PARP4: variants seen among roughly 807,000 people sequenced by gnomAD.
PARP4 encodes the protein protein mono-ADP-ribosyltransferase PARP4.
PARP4 carries 120 observed loss-of-function variants against 187.7 expected under a neutral mutation model. The observed-to-expected ratio is 0.64, with a 90% CI of 0.55 to 0.74. PARP4 has a LOEUF of 0.74. PARP4 is among the 30% of genes least tolerant of loss of function. The pLI is 0.00. For synonymous variants in PARP4, 654 were observed against 740.9 expected (o/e 0.88, Z 1.90); for missense variants, 1,836 against 2,070.5 (o/e 0.89, Z 2.20).
intron 12 of PARP4, among the ~76,000 whole-genome samples, chr13:24,483,418 G>A (rs1873383173): frequency 7.9e-6 from 1 of 127,296 alleles, no homozygotes; most frequent in Non-Finnish European, 1.7e-5. Flanking sequence ...CCCGGGAAGC[G>A]GAGCTTGCAG....
At position 24,454,938 on chromosome 13, in the gene PARP4, A is replaced by G. The variant is rs535797348; in HGVS notation, c.2758+79T>C. 2.1e-5 allele frequency: 25 copies of G among 1,189,494 alleles called. 1 individual carries two copies. In the South Asian group the frequency reaches 4.0e-4, roughly 19 times the overall value. 73.7% of individuals were successfully genotyped at this position (1,189,494 alleles called of 1,614,324 possible). On this transcript the variant is annotated intron_variant, in intron 22 of 33. Coordinates refer to ENST00000381989, the MANE Select transcript of PARP4 (RefSeq NM_006437.4). ...CCTCACCACACAGGCAGGGTCGGGT[A>G]CCCACAGTTGTCAGCTCTACAGAAT...
intron 27 of PARP4, 117 bp downstream of exon 27, chr13:24,446,564 G>T: frequency 2.9e-6 from 2 of 686,254 alleles, no homozygotes; most frequent in Admixed American, 2.9e-5. Context: ...GTATTGGGCT[G>T]CATTCAAAGC....
chr13:24,503,196 T>C (rs1869405491), intron 2 of PARP4, among the ~76,000 whole-genome samples: 1 of 152,218 alleles, frequency 6.6e-6, no homozygotes, highest in Non-Finnish European at 1.5e-5. Context: ...CAGCACAAGC[T>C]ACACTGCGAA....
chr13:24,434,921 C>A lies in PARP4; in HGVS notation c.4220G>T (p.Ser1407Ile). 6.2e-7 allele frequency: 1 copy of A among 1,614,090 alleles called. No homozygotes were observed. Among genetic ancestry groups the A allele is most frequent in the Admixed American group, 1.7e-5 (1 of 60,008 alleles). The change falls in exon 31 of 34, where the codon AGC becomes ATC. Residue 1407 changes from serine (S) to isoleucine (I), a missense_variant. Ser to Ile is a moderately radical substitution (Grantham distance 142, BLOSUM62 -2). Transcript: ENST00000381989. ...TTGCAGTGGAGCAGACTGTGCAGAG[C>A]TTAATGAGCTCCCTGAAAAAACAAT... ...CGIVFSGSSL[S>I]SAQSAPLQHP...
chr13:24,480,375 C>T (rs12864450), intron 12 of PARP4, among the ~76,000 whole-genome samples: 45,269 of 152,068 alleles, frequency 0.3, 7,357 homozygotes, highest in South Asian at 0.46. Context: ...AACCCTACAG[C>T]GGCCTCTAAG....
intron 17 of PARP4, among the ~76,000 whole-genome samples, chr13:24,468,480 C>G (rs1872587365): frequency 6.7e-6 from 1 of 149,750 alleles, no homozygotes; most frequent in Non-Finnish European, 1.5e-5. Context: ...TTTTGGCTCA[C>G]TGCAACCTCT....
In PARP4 at chr13:24,494,408, G is replaced by A. The variant is rs149030327; in HGVS notation, c.741+165C>T. Among the ~76,000 whole-genome samples, 745 of 152,274 alleles carry A rather than the reference G, an allele frequency of 4.9e-3. 8 individuals carry two copies. The highest frequency in any genetic ancestry group is 0.017 in the African/African-American group (716 of 41,554). On this transcript the variant is annotated intron_variant, in intron 7 of 33. Transcript: ENST00000381989. ...TGGGTCTCTCTATGTTGCCAAGGCT[G>A]GTCTTGAACTCCTGGCCTCAAGTGA...
intron 33 of PARP4, among the ~76,000 whole-genome samples, chr13:24,424,789 A>G (rs1327982071): frequency 6.7e-6 from 1 of 149,114 alleles, no homozygotes; most frequent in African/African-American, 2.5e-5. Context: ...CTCCTGCCTC[A>G]GCCTCCCCAG....
intron 18 of PARP4, 188 bp from the exon 19 acceptor site, chr13:24,459,498 CAG>C (rs371672338): frequency 4.8e-4 from 243 of 506,694 alleles, no homozygotes; most frequent in African/African-American, 4.3e-3. Flanking sequence ...ACCATTTTGA[CAG>C]AGATTTTAAA....
chr13:24,423,563 A>C (rs1193248771), intron 33 of PARP4, among the ~76,000 whole-genome samples: 1 of 149,054 alleles, frequency 6.7e-6, no homozygotes, highest in Admixed American at 6.7e-5. Context: ...AACAAAACAA[A>C]AAAAAAGAAA....
At chr13:24,488,692 A>G (rs963947802) in intron 10 of PARP4, among the ~76,000 whole-genome samples, 2 of 152,174 alleles carry the variant, frequency 1.3e-5, no homozygotes, top group African/African-American at 4.8e-5. Flanking sequence ...CCAAAAAGAT[A>G]AAATTAACCA....
chr13:24,468,404 T>C (rs1872581168), intron 17 of PARP4, among the ~76,000 whole-genome samples: 1 of 39,772 alleles, frequency 2.5e-5, no homozygotes, highest in East Asian at 1.1e-3. Context: ...ACACTCCTTT[T>C]TTTTTTTTTT....
chr13:24,447,003 T>C lies in PARP4; in HGVS notation c.3285+13A>G. ...GGTCTTCCCATAGAATAACAAACTC[T>C]GCGTCTTCTTACCTGTGTGCAGTGA... On this transcript the variant is annotated intron_variant, in intron 26 of 33. Coordinates refer to ENST00000381989, the MANE Select transcript of PARP4 (RefSeq NM_006437.4). The C allele has an allele frequency of 1.4e-6, 2 of 1,451,920 alleles. No individual in the cohort carries two copies. Among genetic ancestry groups the C allele is most frequent in the South Asian group, 1.3e-5 (1 of 79,042 alleles). 89.9% of individuals were successfully genotyped at this position (1,451,920 alleles called of 1,614,324 possible).
intron 17 of PARP4, among the ~76,000 whole-genome samples, chr13:24,468,445 C>G (rs540182258): frequency 7.0e-6 from 1 of 143,732 alleles, no homozygotes; most frequent in South Asian, 2.2e-4. Context: ...GCTCTTGTTG[C>G]CCAGGCTGGA....
rs778340774 is a variant in PARP4, at chr13:24,500,395, G to T, written c.335-13C>A. On this transcript the variant is annotated splice_polypyrimidine_tract_variant and intron_variant, in intron 3 of 33. Coordinates refer to ENST00000381989, the MANE Select transcript of PARP4 (RefSeq NM_006437.4). ...TCTGTTTTCACTTCTAGAATTAAAA[G>T]CAAACAGCACACTTGTTTACTGCCC... The T allele has an allele frequency of 3.8e-6, 6 of 1,577,024 alleles. No individual in the cohort carries two copies. The highest frequency in any genetic ancestry group is 5.2e-6 in the Non-Finnish European group (6 of 1,152,598).
intron 31 of PARP4, among the ~76,000 whole-genome samples, chr13:24,432,879 C>T (rs1414678033): frequency 6.6e-6 from 1 of 152,128 alleles, no homozygotes; most frequent in African/African-American, 2.4e-5. Flanking sequence ...CCTAGGGAAA[C>T]CAACACAGGG....
intron 17 of PARP4, among the ~76,000 whole-genome samples, chr13:24,461,305 A>C (rs1872204902): frequency 6.6e-6 from 1 of 152,230 alleles, no homozygotes; most frequent in Admixed American, 6.5e-5. Flanking sequence ...CCCTTAAAAG[A>C]AATGTATGTA....
intron 1 of PARP4, among the ~76,000 whole-genome samples, chr13:24,508,153 G>C (rs1249040686): frequency 6.6e-6 from 1 of 151,840 alleles, no homozygotes; most frequent in Admixed American, 6.6e-5. Context: ...ATCTATGCTA[G>C]TCGTAATCTC....
intron 1 of PARP4, among the ~76,000 whole-genome samples, chr13:24,506,542 G>A (rs1437947718): frequency 6.6e-6 from 1 of 152,142 alleles, no homozygotes; most frequent in Admixed American, 6.5e-5. Context: ...TACAATCCCT[G>A]AGCTAGACAC....
Sources: gnomAD v4.1 joint callset for allele counts (sites outside exome capture counted in the v4.1 genomes callset) on GRCh38, gnomAD v4.1.1 for gene constraint, MANE v1.5 for transcripts, NCBI Gene and HGNC (gene_info 2026-07-23, HGNC 2026-07-21) for gene names.